DNAH14: variants seen among roughly 807,000 people sequenced by gnomAD.
DNAH14 encodes dynein axonemal heavy chain 14, also known as axonemal beta dynein heavy chain 14.
A neutral mutation model predicts 520.9 loss-of-function variants in DNAH14; 478 were observed. The ratio of observed to expected loss-of-function variants is 0.92; its 90% CI spans 0.85 to 0.99. DNAH14 has a LOEUF of 0.99. DNAH14 is among the 50% of genes least tolerant of loss of function. The pLI is 0.00. For synonymous variants in DNAH14, 1,581 were observed against 1,757.2 expected, an observed-to-expected ratio of 0.90 and a Z score of 2.51; for missense variants, 4,831 against 5,234.5, an observed-to-expected ratio of 0.92 and a Z score of 2.38.
chr1:224,947,093 T>C (rs1431822486), intron 1 of DNAH14, among the ~76,000 whole-genome samples: 1 of 151,922 alleles, frequency 6.6e-6, no homozygotes. Context: ...AATTTTTGTA[T>C]TTTGAGTAGA....
intron 84 of DNAH14, 134 bp downstream of exon 84, chr1:225,392,585 C>A: frequency 9.1e-7 from 1 of 1,094,806 alleles, no homozygotes; most frequent in Non-Finnish European, 1.3e-6. Context: ...GATCAACAAG[C>A]CCTGCTTCAA....
At chr1:225,246,905 T>G (rs2092316231) in intron 43 of DNAH14, among the ~76,000 whole-genome samples, 1 of 152,234 alleles carries the variant, frequency 6.6e-6, no homozygotes, top group Non-Finnish European at 1.5e-5. Flanking sequence ...ATAATCATTC[T>G]ACTATAAAGA....
At position 225,069,099 on chromosome 1, in the gene DNAH14, A is replaced by G. The variant is rs367721066; in HGVS notation, c.2425-10108A>G. On this transcript the variant is annotated intron_variant, in intron 17 of 85. Transcript: ENST00000682510. ...TCCGTCTCAAAAAAAAAAAAAAAAA[A>G]AAGAAGCTTTTGGGCCAAGACAGTG... 1.7e-3 allele frequency among the ~76,000 whole-genome samples: 2 copies of G among 1,148 alleles called. 1 individual carries two copies. The highest frequency in any genetic ancestry group is 7.4e-3 in the East Asian group (2 of 270). 0.8% of individuals were successfully genotyped at this position (1,148 alleles called of 152,430 possible).
intron 55 of DNAH14, among the ~76,000 whole-genome samples, chr1:225,291,347 A>G (rs75012472): frequency 0.048 from 7,253 of 152,188 alleles, 271 homozygotes; most frequent in South Asian, 0.072. Context: ...TTTTCTTGAT[A>G]TACTGATTTC....
chr1:225,096,809 G>T (rs2075020440), intron 21 of DNAH14, among the ~76,000 whole-genome samples: 2 of 152,212 alleles, frequency 1.3e-5, no homozygotes, highest in Middle Eastern at 3.4e-3. Flanking sequence ...GTGATAAGAA[G>T]TAGGAAATAA....
At chr1:225,055,863 A>G (rs1385906080) in intron 17 of DNAH14, among the ~76,000 whole-genome samples, 2 of 151,936 alleles carry the variant, frequency 1.3e-5, no homozygotes, top group Non-Finnish European at 2.9e-5. Context: ...AAGGACATGA[A>G]CTCATCATTT....
At chr1:225,053,902 A>G (rs2068787924) in intron 17 of DNAH14, among the ~76,000 whole-genome samples, 1 of 152,232 alleles carries the variant, frequency 6.6e-6, no homozygotes, top group Non-Finnish European at 1.5e-5. Flanking sequence ...TGAAATCAAC[A>G]GAGTGAATGA....
At chr1:225,272,314 T>C (rs2093336647) in intron 51 of DNAH14, among the ~76,000 whole-genome samples, 1 of 152,180 alleles carries the variant, frequency 6.6e-6, no homozygotes, top group Admixed American at 6.5e-5. Context: ...AGCAGAGAAA[T>C]AAGTGACAAG....
chr1:225,238,480 A>G (rs2091752003), intron 42 of DNAH14, among the ~76,000 whole-genome samples: 1 of 151,612 alleles, frequency 6.6e-6, no homozygotes, highest in Non-Finnish European at 1.5e-5. Context: ...ATGGTAGCCT[A>G]CTCCTTCCTG....
chr1:225,165,431 A>C (rs1177384270), intron 35 of DNAH14, among the ~76,000 whole-genome samples: 2 of 152,124 alleles, frequency 1.3e-5, no homozygotes, highest in African/African-American at 2.4e-5. Flanking sequence ...CCTTTGTTTC[A>C]CATGATTGAA....
At chr1:225,322,454 C>T (rs2094575774) in intron 61 of DNAH14, among the ~76,000 whole-genome samples, 1 of 152,124 alleles carries the variant, frequency 6.6e-6, no homozygotes, top group Non-Finnish European at 1.5e-5. Flanking sequence ...AAGTTTTATG[C>T]ATTTCATCTT....
intron 62 of DNAH14, among the ~76,000 whole-genome samples, chr1:225,323,607 G>A (rs545090330): frequency 1.3e-5 from 2 of 152,218 alleles, no homozygotes; most frequent in African/African-American, 4.8e-5. Context: ...GGGGCTACAG[G>A]TGCCTGCCAC....
chr1:224,994,153 T>C (rs2063238671), intron 8 of DNAH14, among the ~76,000 whole-genome samples: 1 of 152,078 alleles, frequency 6.6e-6, no homozygotes, highest in South Asian at 2.1e-4. Flanking sequence ...ATGTATATTC[T>C]GTTGCTGTTA....
chr1:225,110,290 A>C (rs2076386848), intron 23 of DNAH14, among the ~76,000 whole-genome samples: 1 of 152,068 alleles, frequency 6.6e-6, no homozygotes, highest in Non-Finnish European at 1.5e-5. Flanking sequence ...AAAATTCAGC[A>C]GTGAAGCATC....
intron 7 of DNAH14, among the ~76,000 whole-genome samples, chr1:224,971,231 T>A (rs1411796294): frequency 6.6e-5 from 10 of 152,336 alleles, no homozygotes; most frequent in Non-Finnish European, 5.9e-5. Context: ...ATAATTTTCT[T>A]GTTTCTTCTC....
chr1:225,204,138 G>A (rs1481204839), intron 38 of DNAH14, 45 bp from the exon 39 acceptor site: 5 of 1,012,792 alleles, frequency 4.9e-6, no homozygotes, highest in South Asian at 3.8e-5. Flanking sequence ...TAGTTGAAAA[G>A]TGTTATTAAA....
chr1:224,950,720 C>A (rs2060113768), intron 1 of DNAH14, among the ~76,000 whole-genome samples: 1 of 152,194 alleles, frequency 6.6e-6, no homozygotes, highest in South Asian at 2.1e-4. Flanking sequence ...GACCTGCCAC[C>A]TGTTTTTGTA....
intron 18 of DNAH14, among the ~76,000 whole-genome samples, chr1:225,080,055 A>G (rs1016485872): frequency 6.6e-6 from 1 of 152,108 alleles, no homozygotes; most frequent in African/African-American, 2.4e-5. Context: ...TTACATTTCT[A>G]TTTTCACTAA....
In DNAH14 at chr1:225,080,522, A is replaced by G. The variant is rs372916173; in HGVS notation, c.2910A>G (p.Gln970=). 4 of 1,551,742 alleles carry G rather than the reference A, an allele frequency of 2.6e-6. No individual in the cohort carries two copies. Among genetic ancestry groups the G allele is most frequent in the African/African-American group, 1.4e-5 (1 of 73,050 alleles). ...ATCAGGATTGTTTCAGTGATTCTCA[A>G]TCTCATATGCATTCTGTTAATGTGG... ...SHYQDCFSDS[Q]SHMHSVNVEE... Residue 970 remains glutamine (Q), a synonymous_variant, in exon 19 of 86, where the codon CAA becomes CAG. Coordinates refer to ENST00000682510, the MANE Select transcript of DNAH14 (RefSeq NM_001367479.1).
Sources: gnomAD v4.1 joint callset for allele counts (sites outside exome capture counted in the v4.1 genomes callset) on GRCh38, gnomAD v4.1.1 for gene constraint, MANE v1.5 for transcripts, NCBI Gene and HGNC (gene_info 2026-07-23, HGNC 2026-07-21) for gene names.